Variants in FAM228B observed in about 807,000 individuals in gnomAD.
FAM228B encodes protein FAM228B.
In FAM228B, 38 loss-of-function variants were observed where a neutral mutation model predicts 42.6. That is an observed-to-expected ratio of 0.89 (90% CI 0.69 to 1.17). The LOEUF is 1.17. FAM228B is among the 50% of genes most tolerant of loss of function. FAM228B has a pLI of 0.00. For missense variants in FAM228B, 344 were observed against 367.3 expected (o/e 0.94, Z 0.52); for synonymous variants, 109 against 122.3 (o/e 0.89, Z 0.72).
chr2:24,140,805 T>C (rs1666723634), intron 5 of FAM228B, among the ~76,000 whole-genome samples: 1 of 151,350 alleles, frequency 6.6e-6, no homozygotes, highest in South Asian at 2.1e-4. Flanking sequence ...CTACTAAAAA[T>C]ACAAAAATTA....
At chr2:24,118,455 C>A (rs1665992401) in intron 3 of FAM228B, among the ~76,000 whole-genome samples, 1 of 152,200 alleles carries the variant, frequency 6.6e-6, no homozygotes, top group Non-Finnish European at 1.5e-5. Context: ...ATTCATCAAA[C>A]ATGTACTAAT....
intron 3 of FAM228B, among the ~76,000 whole-genome samples, chr2:24,107,038 C>T (rs1665713927): frequency 6.6e-6 from 1 of 152,092 alleles, no homozygotes; most frequent in South Asian, 2.1e-4. Context: ...AGACCCATCT[C>T]ACATGTAATG....
intron 3 of FAM228B, among the ~76,000 whole-genome samples, chr2:24,110,216 T>C (rs1665767076): frequency 6.6e-6 from 1 of 151,820 alleles, no homozygotes. Flanking sequence ...CACTTGTAAG[T>C]GGGAGCTAAA....
intron 2 of FAM228B, among the ~76,000 whole-genome samples, chr2:24,131,181 G>C (rs566570327): frequency 1.3e-5 from 2 of 152,262 alleles, no homozygotes; most frequent in East Asian, 3.9e-4. Flanking sequence ...TGTTCCATTG[G>C]TCTATATGTC....
chr2:24,094,920 C>T (rs1665464908), intron 2 of FAM228B, among the ~76,000 whole-genome samples: 1 of 152,088 alleles, frequency 6.6e-6, no homozygotes, highest in Non-Finnish European at 1.5e-5. Flanking sequence ...TGGTGAAACC[C>T]CATCTCTACT....
rs1209215471 is a variant in FAM228B, at chr2:24,095,328, A to G, written c.-121+99A>G. On this transcript the variant is annotated intron_variant, in intron 3 of 10. Coordinates refer to the FAM228B transcript ENST00000613899. This position sits in a 1 kb window ranked among gnomAD's most constrained non-coding sequence, Gnocchi z 4.8. ...GGCGTCACCTCACCCTGGAAGTGCA[A>G]GGGGTCAGGGGATTTCCCTTTCCTA... The G allele has an allele frequency of 1.3e-5, 2 of 152,238 alleles. No individual in the cohort carries two copies. The highest frequency in any genetic ancestry group is 2.9e-5 in the Non-Finnish European group (2 of 68,070). 9.4% of individuals were successfully genotyped at this position (152,238 alleles called of 1,614,324 possible).
chr2:24,104,065 C>A (rs1374626461), intron 3 of FAM228B, among the ~76,000 whole-genome samples: 1 of 152,154 alleles, frequency 6.6e-6, no homozygotes, highest in Non-Finnish European at 1.5e-5. Flanking sequence ...TCTGAAAAAC[C>A]ACGTTGGGAC....
chr2:24,167,883 G>A, intron 10 of FAM228B, 200 bp downstream of exon 10: 1 of 546,748 alleles, frequency 1.8e-6, no homozygotes, highest in Non-Finnish European at 3.1e-6. Context: ...GGGGTTTGAA[G>A]CTAGTGGTTT....
chr2:24,122,712 C>A, upstream of FAM228B: 1 of 501,898 alleles, frequency 2.0e-6, no homozygotes. Context: ...CCACCAGTAC[C>A]CAAAGAGGAA....
At chr2:24,126,789 G>C (rs949783476) in intron 2 of FAM228B, among the ~76,000 whole-genome samples, 2 of 125,762 alleles carry the variant, frequency 1.6e-5, no homozygotes, top group Non-Finnish European at 3.3e-5. Context: ...TTTTGTTTTT[G>C]TATTTTTACA....
intron 3 of FAM228B, among the ~76,000 whole-genome samples, chr2:24,117,014 AT>A (rs58867611): frequency 0.013 from 1,741 of 131,898 alleles, 5 homozygotes; most frequent in East Asian, 0.043. Flanking sequence ...ACAATCCTGC[AT>A]TTTTTTTTTT....
Position 24,077,961 on chromosome 2 carries a change from A to G in FAM228B, c.-290+992A>G, listed in dbSNP as rs1664832292. 6.6e-6 allele frequency among the ~76,000 whole-genome samples: 1 copy of G among 152,172 alleles called. No homozygotes were observed. Among genetic ancestry groups the G allele is most frequent in the African/African-American group, 2.4e-5 (1 of 41,434 alleles). On this transcript the variant is annotated intron_variant, in intron 1 of 10. Transcript: ENST00000613899. This position sits in a 1 kb window ranked among gnomAD's most constrained non-coding sequence, Gnocchi z 5.5. ...ATCTCAGAATATGTCCGATAGGTAT[A>G]TTGTTAATTTTGAGGTGAAAGCATT...
intron 7 of FAM228B, among the ~76,000 whole-genome samples, chr2:24,151,522 C>T (rs1049207306): frequency 1.3e-5 from 2 of 151,802 alleles, no homozygotes; most frequent in Non-Finnish European, 2.9e-5. Context: ...AAACTCCTGA[C>T]GTCAGGTGAT....
chr2:24,122,382 T>C, upstream of FAM228B: 1 of 1,400,952 alleles, frequency 7.1e-7, no homozygotes, highest in South Asian at 1.2e-5. Flanking sequence ...AAATAATAAG[T>C]AAATCAAGTC....
chr2:24,118,830 A>G (rs1459953205), upstream of FAM228B, among the ~76,000 whole-genome samples: 2 of 152,190 alleles, frequency 1.3e-5, no homozygotes, highest in African/African-American at 4.8e-5. Context: ...ATGTTTGTTG[A>G]ATGAATGAAT....
intron 7 of FAM228B, among the ~76,000 whole-genome samples, chr2:24,147,297 T>C (rs183125149): frequency 6.6e-6 from 1 of 152,210 alleles, no homozygotes; most frequent in Admixed American, 6.5e-5. Context: ...TTTTCTTGGG[T>C]ACTTTCAAGA....
intron 3 of FAM228B, among the ~76,000 whole-genome samples, chr2:24,105,021 G>A (rs1043293115): frequency 6.6e-6 from 1 of 152,210 alleles, no homozygotes; most frequent in Non-Finnish European, 1.5e-5. Flanking sequence ...ACCTGAATTT[G>A]TCAAGGGACG....
chr2:24,098,317 C>T (rs1017821562), intron 3 of FAM228B, among the ~76,000 whole-genome samples: 2 of 151,966 alleles, frequency 1.3e-5, no homozygotes, highest in Non-Finnish European at 2.9e-5. Flanking sequence ...GACACGAAAA[C>T]CCTTCAAAAA....
intron 3 of FAM228B, among the ~76,000 whole-genome samples, chr2:24,108,694 G>A (rs1170012376): frequency 6.6e-6 from 1 of 152,070 alleles, no homozygotes; most frequent in African/African-American, 2.4e-5. Flanking sequence ...GAGGTCATGA[G>A]ATCGAGACCA....
Sources: allele counts gnomAD v4.1 joint callset (sites outside exome capture counted in the v4.1 genomes callset), GRCh38; gene constraint gnomAD v4.1.1; non-coding constraint Gnocchi (gnomAD v3.1); transcripts MANE v1.5; gene names NCBI Gene and HGNC (gene_info 2026-07-23, HGNC 2026-07-21).